The following TOGARAM2 variants were observed in gnomAD, a reference collection of about 807,000 sequenced individuals.
TOGARAM2 encodes the protein TOG array regulator of axonemal microtubules protein 2.
In TOGARAM2, 85 loss-of-function variants were observed where a neutral mutation model predicts 93.3. The observed-to-expected ratio is 0.91, with a 90% CI of 0.76 to 1.09. TOGARAM2 has a LOEUF of 1.09. TOGARAM2 is among the 50% of genes least tolerant of loss of function. The probability of loss-of-function intolerance (pLI) is 0.00; values close to 1 mark genes in which losing one functional copy is unlikely to be tolerated. For missense variants in TOGARAM2, 1,277 were observed against 1,334.5 expected, an observed-to-expected ratio of 0.96 and a Z score of 0.67; for synonymous variants, 593 against 552.8, an observed-to-expected ratio of 1.07 and a Z score of -1.02.
At chr2:28,964,824 C>G (rs1045916181) in intron 1 of TOGARAM2, among the ~76,000 whole-genome samples, 1 of 152,158 alleles carries the variant, frequency 6.6e-6, no homozygotes, top group Non-Finnish European at 1.5e-5. Context: ...TTATCTCATT[C>G]CTTTTTATGG....
At chr2:29,014,917 C>T (rs1328272580) in intron 8 of TOGARAM2, among the ~76,000 whole-genome samples, 6 of 152,082 alleles carry the variant, frequency 3.9e-5, no homozygotes, top group Admixed American at 2.0e-4. Context: ...AGGTGAACTG[C>T]GCTGCGTGGT....
intron 3 of TOGARAM2, 35 bp downstream of exon 3, chr2:28,998,288 T>TGACCA: frequency 1.3e-6 from 2 of 1,501,562 alleles, no homozygotes; most frequent in Non-Finnish European, 1.8e-6. Flanking sequence ...TCAGGGCCCC[T>TGACCA]GGCCTCATCC....
intron 1 of TOGARAM2, among the ~76,000 whole-genome samples, chr2:28,991,733 ACTT>A: frequency 6.6e-6 from 1 of 151,916 alleles, no homozygotes; most frequent in East Asian, 1.9e-4. Flanking sequence ...TTGGGACTGA[ACTT>A]CTTTACTGGG....
rs1358271372 is a variant in TOGARAM2, at chr2:29,017,892, C to G, written c.1296C>G (p.Ser432Arg). 1.2e-6 allele frequency: 2 copies of G among 1,610,010 alleles called. No homozygotes were observed. Among genetic ancestry groups the G allele is most frequent in the Non-Finnish European group, 1.7e-6 (2 of 1,177,184 alleles). ...GCATCATCCTGAGGAAGTGGGCCAG[C>G]CGGGCCTCCCTGCCCAGCATCCCCA... ...DVSIILRKWA[S>R]RASLPSIPIS... Residue 432 changes from serine to arginine, a missense_variant, in exon 10 of 20, where the codon AGC becomes AGG. Coordinates refer to ENST00000379558, the MANE Select transcript of TOGARAM2 (RefSeq NM_199280.4).
chr2:29,018,655 C>T (rs1384137290), intron 10 of TOGARAM2: 2 of 152,212 alleles, frequency 1.3e-5, no homozygotes, highest in Admixed American at 1.3e-4. Context: ...GCTCATCTCC[C>T]TTTTCAATCC....
chr2:29,012,000 A>C (rs1338042973), intron 7 of TOGARAM2, among the ~76,000 whole-genome samples: 1 of 152,188 alleles, frequency 6.6e-6, no homozygotes, highest in Non-Finnish European at 1.5e-5. Flanking sequence ...AGAGCCCACA[A>C]ACCTCAGCCA....
chr2:29,048,462 A>G (rs1666873264), intron 19 of TOGARAM2: 1 of 152,090 alleles, frequency 6.6e-6, no homozygotes, highest in Admixed American at 6.6e-5. Flanking sequence ...TACCTTGCAA[A>G]ACAGAAACTA....
chr2:29,043,250 C>T (rs897982761), intron 18 of TOGARAM2, among the ~76,000 whole-genome samples: 7 of 152,092 alleles, frequency 4.6e-5, no homozygotes, highest in African/African-American at 7.2e-5. Context: ...ATTTTAAAGC[C>T]GCTTGATTTG....
At chr2:29,019,725 C>T (rs1472976171) in intron 10 of TOGARAM2, among the ~76,000 whole-genome samples, 1 of 152,172 alleles carries the variant, frequency 6.6e-6, no homozygotes, top group Non-Finnish European at 1.5e-5. Flanking sequence ...CAACATTCTC[C>T]TCTTACAACC....
intron 1 of TOGARAM2, among the ~76,000 whole-genome samples, chr2:28,974,802 T>A (rs1558395138): frequency 3.3e-5 from 5 of 151,446 alleles, no homozygotes; most frequent in African/African-American, 1.2e-4. Context: ...TTATTATTAT[T>A]ATTTTTTTAA....
At chr2:29,048,071 G>T (rs1558473900) in intron 19 of TOGARAM2, 1 of 152,294 alleles carries the variant, frequency 6.6e-6, no homozygotes, top group Non-Finnish European at 1.5e-5. Flanking sequence ...TGGACGAACA[G>T]TTCCATGTTG....
rs559817142 is a variant in TOGARAM2 at position 29,029,631 on chromosome 2, C to G, written c.2012+2620C>G. On this transcript the variant is annotated intron_variant, in intron 14 of 19. Coordinates refer to ENST00000379558, the MANE Select transcript of TOGARAM2 (RefSeq NM_199280.4). ...ATTAGCCAGGTGTGGTGGCGGGTGC[C>G]TGTAGTCCCAGCTACTCAGGAGGCT... is the stretch of plus-strand genomic sequence containing the variant. 2.4e-4 allele frequency among the ~76,000 whole-genome samples: 36 copies of G among 149,514 alleles called. No individual in the cohort carries two copies. In the South Asian group the frequency reaches 6.6e-3, roughly 28 times the overall value.
chr2:28,984,048 C>T (rs1236248774), intron 1 of TOGARAM2, among the ~76,000 whole-genome samples: 1 of 151,880 alleles, frequency 6.6e-6, no homozygotes, highest in African/African-American at 2.4e-5. Flanking sequence ...ACTCCTCCAT[C>T]CCTCTCCTCC....
chr2:28,957,273 G>C (rs188828513), intron 1 of TOGARAM2, among the ~76,000 whole-genome samples: 177 of 151,182 alleles, frequency 1.2e-3, no homozygotes, highest in Admixed American at 2.9e-3. Context: ...TCGGCTCACT[G>C]CAACTTTCTT....
chr2:28,975,026 C>T (rs1672003868), intron 1 of TOGARAM2, among the ~76,000 whole-genome samples: 1 of 151,868 alleles, frequency 6.6e-6, no homozygotes, highest in South Asian at 2.1e-4. Flanking sequence ...TTTCCTCTAT[C>T]ATAGTCATAT....
chr2:29,016,915 T>C lies in TOGARAM2; in HGVS notation c.1045-239T>C, dbSNP rs182406688. On this transcript the variant is annotated intron_variant, in intron 8 of 19. Coordinates refer to ENST00000379558, the MANE Select transcript of TOGARAM2 (RefSeq NM_199280.4). ...GGGAGTCCCTAGGGACCTTCTAGGCTAAAAGCCACTATCATCTCTGTCTCC... is the reference window on the plus strand; with the variant it reads ...GGGAGTCCCTAGGGACCTTCTAGGCCAAAAGCCACTATCATCTCTGTCTCC... 2.0e-5 allele frequency among the ~76,000 whole-genome samples: 3 copies of C among 152,348 alleles called. No individual in the cohort carries two copies. In the East Asian group the frequency reaches 5.8e-4, roughly 29 times the overall value.
rs376581628 is a variant in TOGARAM2, at chr2:29,002,734, C to T, written c.626C>T (p.Pro209Leu). 29 of 1,613,376 alleles carry T rather than the reference C, an allele frequency of 1.8e-5. 1 individual carries two copies. The highest frequency in any genetic ancestry group is 2.4e-5 in the Non-Finnish European group (28 of 1,179,734). The stretch of plus-strand genomic sequence containing the variant: ...ATTCCGGGTCCTCACGAGTTGAGAC[C>T]CGGTGCTCAGGAGGTAAGGTGGTTC... ...GSIPGPHELR[P>L]GAQEAQISWQ... Residue 209 changes from proline (P) to leucine (L), a missense_variant, in exon 5 of 20, where the codon CCC (proline) becomes CTC (leucine). Pro to Leu is a moderately conservative substitution (Grantham distance 98). Coordinates refer to ENST00000379558, the MANE Select transcript of TOGARAM2 (RefSeq NM_199280.4).
At chr2:28,973,441 C>CCCTTCCTTCCTTCCTTCCTTCCTT (rs146889949) in intron 1 of TOGARAM2, among the ~76,000 whole-genome samples, 1 of 39,070 alleles carries the variant, frequency 2.6e-5, no homozygotes, top group African/African-American at 7.7e-5. Flanking sequence ...CCTTCCCTTC[C>CCCTTCCTTCCTTCCTTCCTTCCTT]CCTTCCTTCC....
At chr2:29,024,965 T>G (rs1283397988) in intron 13 of TOGARAM2, among the ~76,000 whole-genome samples, 1 of 152,152 alleles carries the variant, frequency 6.6e-6, no homozygotes, top group Non-Finnish European at 1.5e-5. Context: ...AGATTTGTTT[T>G]CCCTGTCATT....
Sources: gnomAD v4.1 joint callset for allele counts (sites outside exome capture counted in the v4.1 genomes callset) on GRCh38, gnomAD v4.1.1 for gene constraint, MANE v1.5 for transcripts, NCBI Gene and HGNC (gene_info 2026-07-23, HGNC 2026-07-21) for gene names.